The following LPIN2 variants were observed in gnomAD, a reference collection of about 807,000 sequenced individuals.
The protein encoded by LPIN2 is phosphatidate phosphatase LPIN2.
A neutral mutation model predicts 111.4 loss-of-function variants in LPIN2; 55 were observed. That is an observed-to-expected ratio of 0.49 (90% confidence interval 0.40 to 0.62). The LOEUF (loss-of-function observed/expected upper bound fraction) is 0.62, where lower values mean the gene tolerates loss of function less well. LPIN2 is among the 20% of genes least tolerant of loss of function. The pLI is 0.00. For missense variants in LPIN2, 992 were observed against 1,112.1 expected (o/e 0.89, Z 1.54); for synonymous variants, 425 against 414.0 (o/e 1.03, Z -0.32).
intron 16 of LPIN2, among the ~76,000 whole-genome samples, chr18:2,922,476 C>T (rs1326755535): frequency 1.3e-5 from 2 of 152,046 alleles, no homozygotes; most frequent in Non-Finnish European, 2.9e-5. Context: ...AGGGTTTCAC[C>T]ATGTTGGCTA....
chr18:3,003,293 CCA>C (rs2078461802), intron 1 of LPIN2, among the ~76,000 whole-genome samples: 1 of 152,144 alleles, frequency 6.6e-6, no homozygotes, highest in South Asian at 2.1e-4. Flanking sequence ...GATGTAGTTA[CCA>C]AGTGAGTCAA....
Position 2,984,694 on chromosome 18 carries a change from A to C in LPIN2, c.-9-23845T>G, listed in dbSNP as rs560404020. On this transcript the variant is annotated intron_variant, in intron 1 of 19. Coordinates refer to ENST00000677752, the MANE Select transcript of LPIN2 (RefSeq NM_001375808.2). ...AACTGTAAGGAGGGTGGAAAGAAGA[A>C]AGACAAAAACCATATCCACTTTAAA... Among the ~76,000 whole-genome samples the C allele has an allele frequency of 5.3e-5, 8 of 152,266 alleles. No individual in the cohort carries two copies. The East Asian group carries it at 9.6e-4, about 18-fold the overall frequency.
Position 2,922,095 on chromosome 18 carries a change from C to T in LPIN2, c.2279G>A (p.Arg760Gln), listed in dbSNP as rs2077063454. 6 of 1,613,882 alleles carry T rather than the reference C, an allele frequency of 3.7e-6. No individual in the cohort carries two copies. Among genetic ancestry groups the T allele is most frequent in the East Asian group, 2.2e-5 (1 of 44,876 alleles). Reference sequence around the variant, plus strand: ...GCTGGGGGACAGCATCAGGGGGCCCCGGGGCAAGATTGTGCCCTTGTCATT... The same window carrying T: ...GCTGGGGGACAGCATCAGGGGGCCCTGGGGCAAGATTGTGCCCTTGTCATT... ...WVNDKGTILP[R>Q]GPLMLSPSSL... The change falls in exon 17 of 20, where the codon CGG (arginine) becomes CAG (glutamine). Residue 760 changes from arginine (R) to glutamine (Q), a missense_variant. Transcript: ENST00000677752.
At chr18:2,949,885 G>C (rs1235110351) in intron 4 of LPIN2, among the ~76,000 whole-genome samples, 3 of 152,086 alleles carry the variant, frequency 2.0e-5, no homozygotes, top group African/African-American at 7.2e-5. Flanking sequence ...AGTTGCTTGA[G>C]GCCAGGAATT....
At chr18:2,978,321 C>T (rs113359283) in intron 1 of LPIN2, among the ~76,000 whole-genome samples, 1 of 152,056 alleles carries the variant, frequency 6.6e-6, no homozygotes, top group African/African-American at 2.4e-5. Flanking sequence ...AGTAGAGAAA[C>T]CTGGAAGACA....
chr18:2,958,141 C>CAAAAA (rs1224779773), intron 2 of LPIN2, among the ~76,000 whole-genome samples: 342 of 11,918 alleles, frequency 0.029, 93 homozygotes, highest in East Asian at 0.25. Flanking sequence ...GACTCCATCT[C>CAAAAA]AAAAAAAAAA....
intron 8 of LPIN2, among the ~76,000 whole-genome samples, chr18:2,933,939 G>T (rs1302409327): frequency 4.6e-5 from 7 of 152,208 alleles, no homozygotes; most frequent in African/African-American, 1.7e-4. Flanking sequence ...AAAGGCTCAG[G>T]ATCTCAGACT....
chr18:3,012,617 G>A (rs1247496440), intron 1 of LPIN2, among the ~76,000 whole-genome samples: 5 of 152,196 alleles, frequency 3.3e-5, no homozygotes, highest in Non-Finnish European at 7.4e-5. Flanking sequence ...CCTCGCCGCA[G>A]ATCACGTGCC....
chr18:2,946,554 C>CTGTTT (rs1568552643), intron 4 of LPIN2: 1 of 1,366,300 alleles, frequency 7.3e-7, no homozygotes, highest in Admixed American at 1.7e-5. Context: ...CCCACTGTCA[C>CTGTTT]AGGCAAGGCC....
chr18:2,922,544 TG>T (rs547591185), intron 16 of LPIN2, among the ~76,000 whole-genome samples: 247 of 152,330 alleles, frequency 1.6e-3, no homozygotes, highest in Middle Eastern at 3.4e-3. Flanking sequence ...CCCAAAGTGC[TG>T]GGATTACAGG....
At chr18:2,962,377 T>C (rs1237475233) in intron 1 of LPIN2, among the ~76,000 whole-genome samples, 2 of 152,250 alleles carry the variant, frequency 1.3e-5, no homozygotes, top group African/African-American at 2.4e-5. Context: ...TTATGTGATA[T>C]CAAACAATTA....
At chr18:2,939,981 T>C (rs1243840820) in intron 5 of LPIN2, among the ~76,000 whole-genome samples, 1 of 152,238 alleles carries the variant, frequency 6.6e-6, no homozygotes, top group Non-Finnish European at 1.5e-5. Context: ...TTTTTTTCAC[T>C]ATATTATTCA....
intron 2 of LPIN2, among the ~76,000 whole-genome samples, chr18:2,957,487 A>G (rs2143167073): frequency 6.6e-6 from 1 of 152,314 alleles, no homozygotes; most frequent in Middle Eastern, 3.4e-3. Flanking sequence ...GATAAGGGAT[A>G]CTCAACCTGT....
chr18:2,950,935 T>G (rs566524631), intron 4 of LPIN2, 120 bp downstream of exon 4: 63 of 1,043,522 alleles, frequency 6.0e-5, no homozygotes, highest in Non-Finnish European at 9.2e-5. Context: ...CACAATAAAC[T>G]GTAAAGGGGG....
intron 1 of LPIN2, among the ~76,000 whole-genome samples, chr18:2,965,891 A>T (rs988422305): frequency 6.6e-6 from 1 of 151,906 alleles, no homozygotes; most frequent in Non-Finnish European, 1.5e-5. Context: ...TAAAAACAAT[A>T]AAAAAAATTC....
At position 2,927,848 on chromosome 18, in the gene LPIN2, A is replaced by G. The variant is rs375239249; in HGVS notation, c.1621-37T>C. ...CAACCTGGGTTAGTCTGGGCAATCT[A>G]CTGGCCACACAGCACCTACCTTCTA... On this transcript the variant is annotated intron_variant, in intron 11 of 19. Transcript: ENST00000677752. 8.4e-6 allele frequency: 13 copies of G among 1,554,166 alleles called. No homozygotes were observed. In the African/African-American group the frequency reaches 1.6e-4, roughly 19 times the overall value.
At chr18:3,010,533 TG>T (rs1382361719) in intron 1 of LPIN2, among the ~76,000 whole-genome samples, 1 of 152,084 alleles carries the variant, frequency 6.6e-6, no homozygotes, top group Non-Finnish European at 1.5e-5. Context: ...GATTTTAAAA[TG>T]AAGATTCCAA....
chr18:2,950,499 C>T (rs147561265), intron 4 of LPIN2: 1 of 156,590 alleles, frequency 6.4e-6, no homozygotes, highest in Non-Finnish European at 1.4e-5. Flanking sequence ...AAAACGGAAT[C>T]TTGAATAAGA....
Position 2,924,551 on chromosome 18 carries a change from T to A in LPIN2, c.1939-5A>T, listed in dbSNP as rs779830291. 3.1e-6 allele frequency: 5 copies of A among 1,613,910 alleles called. No homozygotes were observed. The African/African-American group carries it at 5.3e-5, about 17-fold the overall frequency. The stretch of plus-strand genomic sequence containing the variant: ...ATCGTGGAGCTTCAGTTTTGCCTTT[T>A]AAAAAAGCATAAGAATAAAGAAAAT... On this transcript the variant is annotated splice_polypyrimidine_tract_variant and splice_region_variant and intron_variant, in intron 14 of 19. Coordinates refer to ENST00000677752, the MANE Select transcript of LPIN2 (RefSeq NM_001375808.2).
Sources: gnomAD v4.1 joint callset for allele counts (sites outside exome capture counted in the v4.1 genomes callset) on GRCh38, gnomAD v4.1.1 for gene constraint, MANE v1.5 for transcripts, NCBI Gene and HGNC (gene_info 2026-07-23, HGNC 2026-07-21) for gene names.